The following LRRC9 variants were observed in gnomAD, a reference collection of about 807,000 sequenced individuals.
LRRC9 encodes the protein leucine rich repeat containing 9, also known as leucine-rich repeat-containing protein 9.
In LRRC9, 122 loss-of-function variants were observed where a neutral mutation model predicts 63.2. The ratio of observed to expected loss-of-function variants is 1.93; its 90% CI spans 1.67 to 2.24. The LOEUF (loss-of-function observed/expected upper bound fraction) is 2.24, where lower values mean the gene tolerates loss of function less well. LRRC9 is among the 30% of genes most tolerant of loss of function. The pLI is 0.00. For synonymous variants in LRRC9, 366 were observed against 213.1 expected (o/e 1.72, Z -6.25); for missense variants, 1,071 against 627.7 (o/e 1.71, Z -7.55).
intron 7 of LRRC9, among the ~76,000 whole-genome samples, chr14:59,941,649 T>C (rs1339513340): frequency 6.6e-6 from 1 of 152,138 alleles, no homozygotes; most frequent in Non-Finnish European, 1.5e-5. Context: ...AGTTCTCTTG[T>C]TGTGTTATTT....
At chr14:60,050,893 C>T (rs931351636) in intron 29 of LRRC9, among the ~76,000 whole-genome samples, 9 of 152,136 alleles carry the variant, frequency 5.9e-5, no homozygotes, top group African/African-American at 2.2e-4. Context: ...TTTCCCATAC[C>T]TGGAGGTATA....
rs559598790 is a variant in LRRC9 at position 59,962,080 on chromosome 14, C to T, written c.1211+1035C>T. 1.1e-4 allele frequency among the ~76,000 whole-genome samples: 17 copies of T among 152,226 alleles called. No homozygotes were observed. The highest frequency in any genetic ancestry group is 3.3e-4 in the Admixed American group (5 of 15,292). On this transcript the variant is annotated intron_variant, in intron 10 of 31. Transcript: ENST00000445360. The surrounding 1 kb of genome is among the most constrained non-coding windows in gnomAD (Gnocchi z 5.1). ...TTATGGGTTACTTTAAACCAAGTCC[C>T]CTGATTTCTATTAGACATGGCTTTT... is the stretch of plus-strand genomic sequence containing the variant.
intron 1 of LRRC9, among the ~76,000 whole-genome samples, chr14:59,924,866 T>A (rs1889073299): frequency 6.6e-6 from 1 of 151,910 alleles, no homozygotes; most frequent in African/African-American, 2.4e-5. Context: ...TCTGCAAACA[T>A]ACCAAGTATA....
intron 8 of LRRC9, among the ~76,000 whole-genome samples, chr14:59,953,902 A>G (rs1460155615): frequency 6.6e-6 from 1 of 152,138 alleles, no homozygotes; most frequent in Non-Finnish European, 1.5e-5. Flanking sequence ...TCTCAGCACC[A>G]TTTATTAAAT....
At chr14:60,048,317 T>A (rs1262698603) in intron 29 of LRRC9, among the ~76,000 whole-genome samples, 1 of 151,956 alleles carries the variant, frequency 6.6e-6, no homozygotes, top group African/African-American at 2.4e-5. Flanking sequence ...GAAAGAGACA[T>A]GAAAATCCCT....
intron 8 of LRRC9, among the ~76,000 whole-genome samples, chr14:59,954,456 C>T (rs941243861): frequency 2.6e-5 from 4 of 152,162 alleles, no homozygotes; most frequent in African/African-American, 9.6e-5. Context: ...ATTTGGCTCT[C>T]TGCTTATCTA....
downstream of LRRC9, among the ~76,000 whole-genome samples, chr14:60,065,216 C>T (rs1894855674): frequency 1.3e-5 from 2 of 152,036 alleles, no homozygotes. Flanking sequence ...CCCATCTCTA[C>T]TAAAAATACA....
intron 10 of LRRC9, among the ~76,000 whole-genome samples, chr14:59,961,833 A>G (rs1203526842): frequency 6.6e-6 from 1 of 152,216 alleles, no homozygotes; most frequent in Non-Finnish European, 1.5e-5. Context: ...TCATTTTTTC[A>G]GAACTGAAGA....
chr14:60,059,566 G>C (rs1894518453), intron 31 of LRRC9, among the ~76,000 whole-genome samples: 1 of 152,182 alleles, frequency 6.6e-6, no homozygotes, highest in Non-Finnish European at 1.5e-5. Flanking sequence ...GGAACACATG[G>C]ATAAGAAATT....
chr14:59,953,529 TG>T lies in LRRC9; in HGVS notation c.883-6288del, dbSNP rs201836291. The stretch of plus-strand genomic sequence containing the variant: ...ATTTGTAAATTTTTTCTTGTAAATT[TG>T]TTTAAATTCCTTTAAGATTCTAGGT... On this transcript the variant is annotated intron_variant, in intron 8 of 31. Coordinates refer to ENST00000445360, the Ensembl canonical transcript of LRRC9. 3.4e-3 allele frequency among the ~76,000 whole-genome samples: 511 copies of T among 152,358 alleles called. 17 individuals are homozygous for T. In the East Asian group the frequency reaches 0.058, roughly 17 times the overall value.
intron 16 of LRRC9, among the ~76,000 whole-genome samples, chr14:59,983,307 G>C (rs1344827440): frequency 6.6e-6 from 1 of 152,194 alleles, no homozygotes; most frequent in Non-Finnish European, 1.5e-5. Flanking sequence ...CAGAGGCCCT[G>C]TCCTGTGTCT....
chr14:60,043,867 GT>G (rs1199462431), intron 29 of LRRC9, among the ~76,000 whole-genome samples: 3 of 150,338 alleles, frequency 2.0e-5, no homozygotes, highest in African/African-American at 7.3e-5. Context: ...TTTTTAAAGG[GT>G]TTAAGTAGTT....
At chr14:59,974,792 G>T in intron 13 of LRRC9, 84 bp downstream of exon 13, 6 of 509,514 alleles carry the variant, frequency 1.2e-5, no homozygotes, top group South Asian at 3.2e-5. Flanking sequence ...TCTGATACTT[G>T]GTTTTATCAA....
chr14:60,030,033 T>G (rs1238744605), intron 28 of LRRC9, among the ~76,000 whole-genome samples: 1 of 152,144 alleles, frequency 6.6e-6, no homozygotes, highest in African/African-American at 2.4e-5. Context: ...GTCTTCAAAC[T>G]TCTGAACTCT....
intron 29 of LRRC9, among the ~76,000 whole-genome samples, chr14:60,046,634 G>A (rs969480386): frequency 6.6e-6 from 1 of 152,148 alleles, no homozygotes; most frequent in Admixed American, 6.6e-5. Context: ...TGGTCTATGT[G>A]TCTGTTTTTG....
At chr14:59,993,143 T>C (rs1888347963) in intron 17 of LRRC9, among the ~76,000 whole-genome samples, 1 of 152,202 alleles carries the variant, frequency 6.6e-6, no homozygotes, top group Non-Finnish European at 1.5e-5. Flanking sequence ...AAGAGGACAG[T>C]GGGGACCAAT....
At position 60,003,468 on chromosome 14, in the gene LRRC9, A is replaced by C. The variant is rs555285765; in HGVS notation, c.2665-153A>C. Among the ~76,000 whole-genome samples, 1 of 152,354 alleles carries C rather than the reference A, an allele frequency of 6.6e-6. No homozygotes were observed. The highest frequency in any genetic ancestry group is 1.5e-5 in the Non-Finnish European group (1 of 68,038). ...CTCGTCAAATTTTACTTTTCTGTAA[A>C]CTGACAGCTTCACAATATCTTTAGC... On this transcript the variant is annotated intron_variant, in intron 20 of 31. Transcript: ENST00000445360. This position sits in a 1 kb window ranked among gnomAD's most constrained non-coding sequence, Gnocchi z 4.2.
intron 5 of LRRC9, 52 bp from the exon 6 acceptor site, chr14:59,931,917 G>A (rs1293414147): frequency 2.9e-6 from 2 of 691,018 alleles, no homozygotes; most frequent in African/African-American, 3.5e-5. Flanking sequence ...AAGTATGACA[G>A]AATATGAACA....
In LRRC9 at chr14:59,939,568, C is replaced by T. The variant is rs190507680; in HGVS notation, c.726+996C>T. Among the ~76,000 whole-genome samples the T allele has an allele frequency of 3.7e-4, 56 of 152,082 alleles. No individual in the cohort carries two copies. In the East Asian group the frequency reaches 7.5e-3, roughly 20 times the overall value. On this transcript the variant is annotated intron_variant, in intron 7 of 31. Transcript: ENST00000445360. Reference sequence around the variant, plus strand: ...GATGAGCCATGTGGATGGTTCGATGCATGTTCATAGAGAAAGTGGTAAGAA... The same window carrying T: ...GATGAGCCATGTGGATGGTTCGATGTATGTTCATAGAGAAAGTGGTAAGAA...
Sources: allele counts gnomAD v4.1 joint callset (sites outside exome capture counted in the v4.1 genomes callset), GRCh38; gene constraint gnomAD v4.1.1; non-coding constraint Gnocchi (gnomAD v3.1); transcripts MANE v1.5; gene names NCBI Gene and HGNC (gene_info 2026-07-23, HGNC 2026-07-21).